CDHR2: variants seen among roughly 807,000 people sequenced by gnomAD.
CDHR2 encodes cadherin-related family member 2.
CDHR2 carries 104 observed loss-of-function variants against 138.6 expected under a neutral mutation model. That is an observed-to-expected ratio of 0.75 (90% confidence interval 0.64 to 0.88). The LOEUF (loss-of-function observed/expected upper bound fraction) is 0.88. Ranked by LOEUF, CDHR2 falls within the 40% of genes least tolerant of loss-of-function variation. The probability of loss-of-function intolerance (pLI) is 0.00; values close to 1 mark genes in which losing one functional copy is unlikely to be tolerated. For missense variants in CDHR2, 1,624 were observed against 1,727.6 expected, an observed-to-expected ratio of 0.94 and a Z score of 1.06; for synonymous variants, 755 against 742.8, an observed-to-expected ratio of 1.02 and a Z score of -0.27.
intron 5 of CDHR2, 114 bp downstream of exon 5, chr5:176,569,124 T>C (rs1758159991): frequency 2.2e-6 from 2 of 889,684 alleles, no homozygotes; most frequent in East Asian, 5.1e-5. Context: ...TAATGTTTAT[T>C]TATATCGAGA....
chr5:176,588,701 C>CTG (rs1317419827), intron 21 of CDHR2, among the ~76,000 whole-genome samples: 5 of 118,810 alleles, frequency 4.2e-5, no homozygotes, highest in African/African-American at 1.3e-4. Context: ...GTGAGAGAGA[C>CTG]TGTGTGTGTG....
chr5:176,581,628 G>A (rs760005612), intron 17 of CDHR2, 46 bp downstream of exon 17: 15 of 1,597,882 alleles, frequency 9.4e-6, no homozygotes, highest in South Asian at 4.5e-5. Context: ...CTCCCAAGCC[G>A]ATAGCCAGCC....
At chr5:176,585,841 C>G in intron 19 of CDHR2, 113 bp from the exon 20 acceptor site, 2 of 786,076 alleles carry the variant, frequency 2.5e-6, no homozygotes, top group Non-Finnish European at 4.3e-6. Context: ...CTGCGGGGCA[C>G]GGGGTTGAGG....
downstream of CDHR2, chr5:176,595,858 G>C (rs1759020968): frequency 3.8e-5 from 21 of 548,316 alleles, no homozygotes; most frequent in South Asian, 7.9e-4. Context: ...CAAAAACTGC[G>C]GCTGGAGGGG....
chr5:176,595,754 A>T lies in CDHR2; in HGVS notation c.*82A>T. ...CCTGTCTCCCTGGAGATGAAAATATATGACGCTGCCCTGCCTCCTGCTTTT... is the reference window on the plus strand; with the variant it reads ...CCTGTCTCCCTGGAGATGAAAATATTTGACGCTGCCCTGCCTCCTGCTTTT... On this transcript the variant is annotated 3_prime_UTR_variant, in exon 32 of 32. Coordinates refer to ENST00000261944, the MANE Select transcript of CDHR2 (RefSeq NM_017675.6). 3.0e-6 allele frequency: 4 copies of T among 1,325,532 alleles called. No homozygotes were observed. The highest frequency in any genetic ancestry group is 4.0e-6 in the Non-Finnish European group (4 of 994,612). 82.1% of individuals were successfully genotyped at this position (1,325,532 alleles called of 1,614,324 possible).
chr5:176,560,939 G>A (rs1393855790), intron 1 of CDHR2, among the ~76,000 whole-genome samples: 1 of 152,070 alleles, frequency 6.6e-6, no homozygotes, highest in Admixed American at 6.6e-5. Context: ...ACCATGCCCG[G>A]GAAGCACGTA....
intron 6 of CDHR2, among the ~76,000 whole-genome samples, chr5:176,572,067 G>A (rs1205608533): frequency 6.6e-6 from 1 of 152,012 alleles, no homozygotes; most frequent in Non-Finnish European, 1.5e-5. Flanking sequence ...GGGGAAGAGA[G>A]GCAAGTCTCT....
At chr5:176,593,295 C>T (rs915541124) in intron 31 of CDHR2, among the ~76,000 whole-genome samples, 4 of 152,222 alleles carry the variant, frequency 2.6e-5, no homozygotes, top group African/African-American at 9.6e-5. Flanking sequence ...TGCGTAAAAG[C>T]ACCTGAGGAG....
At chr5:176,591,732 G>T in intron 30 of CDHR2, 1 of 440,064 alleles carries the variant, frequency 2.3e-6, no homozygotes. Context: ...TGATGGTGAT[G>T]GTTGTGATGG....
At chr5:176,546,789 G>A (rs1369678389), upstream of CDHR2, among the ~76,000 whole-genome samples, 1 of 147,070 alleles carries the variant, frequency 6.8e-6, no homozygotes, top group Non-Finnish European at 1.5e-5. Context: ...CCAGCAGTCT[G>A]ACCCCAGAGG....
At position 176,585,979 on chromosome 5, in the gene CDHR2, C is replaced by T. The variant is rs114350001; in HGVS notation, c.2760C>T (p.Asp920=). Residue 920 remains aspartate (D), a synonymous_variant, in exon 20 of 32, where the codon GAC becomes GAT. Transcript: ENST00000261944. ...NNGSLLITIE[D]VNDNAPYFLP... is the part of the protein sequence containing the mutation. Reference sequence around the variant, plus strand: ...GAAGCCTCCTCATTACCATTGAGGACGTGAATGACAATGCACCCTATTTTC... The same window carrying T: ...GAAGCCTCCTCATTACCATTGAGGATGTGAATGACAATGCACCCTATTTTC... 81 of 1,613,914 alleles carry T rather than the reference C, an allele frequency of 5.0e-5. 1 individual carries two copies. Among genetic ancestry groups the T allele is most frequent in the Middle Eastern group, 4.9e-4 (3 of 6,062 alleles).
In CDHR2 at chr5:176,577,150, G is replaced by A. The variant is rs536388256; in HGVS notation, c.1195-249G>A. On this transcript the variant is annotated intron_variant, in intron 12 of 31. Coordinates refer to ENST00000261944, the MANE Select transcript of CDHR2 (RefSeq NM_017675.6). ...GAGGGACAGCTGACAGGAGTGAGGG[G>A]TGTGTGTCCAGGCTCCAGCCCAGGT... 3.3e-5 allele frequency among the ~76,000 whole-genome samples: 5 copies of A among 152,080 alleles called. No homozygotes were observed. In the South Asian group the frequency reaches 6.2e-4, roughly 19 times the overall value.
chr5:176,592,885 C>A, intron 31 of CDHR2, 105 bp downstream of exon 31: 1 of 975,994 alleles, frequency 1.0e-6, no homozygotes, highest in Non-Finnish European at 1.6e-6. Context: ...GGCAGTTCTG[C>A]TTCTCTGCAC....
At chr5:176,588,160 G>A (rs964090796) in intron 21 of CDHR2, among the ~76,000 whole-genome samples, 1 of 152,172 alleles carries the variant, frequency 6.6e-6, no homozygotes, top group Non-Finnish European at 1.5e-5. Flanking sequence ...GATCCCAGGG[G>A]AGGTGCTTAG....
At chr5:176,588,536 G>A (rs900111776) in intron 21 of CDHR2, among the ~76,000 whole-genome samples, 13 of 128,918 alleles carry the variant, frequency 1.0e-4, no homozygotes, top group African/African-American at 1.6e-4. Flanking sequence ...AGTGTGTTAG[G>A]GTGAGTGAGT....
At chr5:176,546,961 C>G (rs566681955), upstream of CDHR2, among the ~76,000 whole-genome samples, 1 of 140,984 alleles carries the variant, frequency 7.1e-6, no homozygotes, top group Admixed American at 7.8e-5. Flanking sequence ...CCTGGCTATA[C>G]GCAAAGTGGT....
At chr5:176,567,061 A>G (rs1333058525) in intron 3 of CDHR2, 2 of 455,598 alleles carry the variant, frequency 4.4e-6, no homozygotes, top group East Asian at 1.4e-4. Flanking sequence ...AAGTATTTCC[A>G]TCACCCCAGA....
intron 2 of CDHR2, 118 bp from the exon 3 acceptor site, chr5:176,565,553 TC>T: frequency 8.2e-7 from 1 of 1,217,984 alleles, no homozygotes; most frequent in Non-Finnish European, 1.2e-6. Context: ...TGGGGAGGAA[TC>T]CAGGCCTGGA....
chr5:176,560,281 A>C (rs898008126), intron 1 of CDHR2, among the ~76,000 whole-genome samples: 1 of 152,132 alleles, frequency 6.6e-6, no homozygotes, highest in Admixed American at 6.5e-5. Flanking sequence ...CTGTAATCCC[A>C]GCTACTCGGG....
Sources: gnomAD v4.1 joint callset for allele counts (sites outside exome capture counted in the v4.1 genomes callset) on GRCh38, gnomAD v4.1.1 for gene constraint, MANE v1.5 for transcripts, NCBI Gene and HGNC (gene_info 2026-07-23, HGNC 2026-07-21) for gene names.